WWOX: variants seen among roughly 807,000 people sequenced by gnomAD.
The protein encoded by WWOX is WW domain-containing oxidoreductase.
Under a neutral mutation model 46.2 loss-of-function variants are expected in WWOX, and 69 were observed. That is an observed-to-expected ratio of 1.49 (90% confidence interval 1.23 to 1.82). The LOEUF (loss-of-function observed/expected upper bound fraction) is 1.82, where lower values mean the gene tolerates loss of function less well. Among genes scored for constraint, WWOX ranks in the 40% most tolerant of loss-of-function variants. The probability of loss-of-function intolerance (pLI) is 0.00; values close to 1 mark genes in which losing one functional copy is unlikely to be tolerated. For synonymous variants in WWOX, 359 were observed against 202.6 expected (o/e 1.77, Z -6.56); for missense variants, 919 against 542.6 (o/e 1.69, Z -6.89).
rs965184780 is a variant in WWOX, at chr16:78,675,799, C to A, written c.1056+243047C>A. Among the ~76,000 whole-genome samples, 10 of 152,198 alleles carry A rather than the reference C, an allele frequency of 6.6e-5. No individual in the cohort carries two copies. The East Asian group carries it at 1.4e-3, about 21-fold the overall frequency. On this transcript the variant is annotated intron_variant, in intron 8 of 8. Transcript: ENST00000566780. ...GACCAGCCTGGGCAACATAGCGAGA[C>A]CTTGTCTGTACTAAAAAATTATTAA... is the stretch of plus-strand genomic sequence containing the variant.
At chr16:79,006,558 A>G (rs1312307615) in intron 8 of WWOX, among the ~76,000 whole-genome samples, 1 of 149,806 alleles carries the variant, frequency 6.7e-6, no homozygotes, top group Non-Finnish European at 1.5e-5. Context: ...GAGGCACTGT[A>G]TTTGTTTTCA....
chr16:78,784,938 G>T (rs2050418219), intron 8 of WWOX, among the ~76,000 whole-genome samples: 1 of 152,156 alleles, frequency 6.6e-6, no homozygotes, highest in Admixed American at 6.5e-5. Flanking sequence ...GAGGAAGCGA[G>T]GTGTCCCTTT....
chr16:78,634,478 C>A (rs187493117), intron 8 of WWOX, among the ~76,000 whole-genome samples: 1 of 151,924 alleles, frequency 6.6e-6, no homozygotes, highest in African/African-American at 2.4e-5. Context: ...GAGGGCGAGG[C>A]GGGCAGATCA....
At chr16:78,930,595 C>G (rs966641223) in intron 8 of WWOX, among the ~76,000 whole-genome samples, 9 of 139,554 alleles carry the variant, frequency 6.4e-5, no homozygotes, top group African/African-American at 2.4e-4. Flanking sequence ...CAGGCAAGGA[C>G]TTTTTTTTTT....
At chr16:79,092,461 C>G (rs183302103) in intron 8 of WWOX, among the ~76,000 whole-genome samples, 38 of 152,268 alleles carry the variant, frequency 2.5e-4, no homozygotes, top group African/African-American at 9.1e-4. Context: ...CCTTGCTCAT[C>G]ACCATCTCAC....
chr16:79,191,077 G>A (rs530037843), intron 8 of WWOX, among the ~76,000 whole-genome samples: 10 of 152,008 alleles, frequency 6.6e-5, no homozygotes, highest in East Asian at 3.9e-4. Context: ...ACGGGGTCTC[G>A]CTCTGTTGCA....
chr16:78,405,104 A>T (rs2082496176), intron 6 of WWOX, among the ~76,000 whole-genome samples: 1 of 152,214 alleles, frequency 6.6e-6, no homozygotes, highest in Admixed American at 6.5e-5. Context: ...AATATAATCA[A>T]GGTAATGGAC....
At chr16:78,343,781 A>T (rs2081054006) in intron 5 of WWOX, among the ~76,000 whole-genome samples, 1 of 121,000 alleles carries the variant, frequency 8.3e-6, no homozygotes, top group Non-Finnish European at 2.0e-5. Flanking sequence ...CAAGGACTAA[A>T]GGAGTGACTT....
Position 78,979,732 on chromosome 16 carries a change from C to T in WWOX, c.1057-231876C>T, listed in dbSNP as rs148944637. Among the ~76,000 whole-genome samples the T allele has an allele frequency of 4.9e-3, 743 of 152,256 alleles. 7 individuals carry two copies. Among genetic ancestry groups the T allele is most frequent in the African/African-American group, 0.017 (723 of 41,540 alleles). On this transcript the variant is annotated intron_variant, in intron 8 of 8. Coordinates refer to ENST00000566780, the MANE Select transcript of WWOX (RefSeq NM_016373.4). ...GGCATGAGATGCTGAAGATAAAGGT[C>T]CCCAGTGGTCCAGGTTTTTCCTTCT...
intron 4 of WWOX, among the ~76,000 whole-genome samples, chr16:78,130,908 A>G (rs7203218): frequency 0.78 from 119,096 of 152,166 alleles, 46,848 homozygotes; most frequent in East Asian, 0.91. Context: ...ATCGTTGTGC[A>G]ACCCTCATAG....
rs142681126 is a variant in WWOX at position 78,246,719 on chromosome 16, C to T, written c.516+82430C>T. On this transcript the variant is annotated intron_variant, in intron 5 of 8. Transcript: ENST00000566780. ...ATATTTTCAACTTCCTCTTCTGAAG[C>T]CAGTTCCCCCCGACCATCAGTCATG... 5.9e-5 allele frequency among the ~76,000 whole-genome samples: 9 copies of T among 152,290 alleles called. No individual in the cohort carries two copies. In the East Asian group the frequency reaches 1.5e-3, roughly 26 times the overall value.
intron 8 of WWOX, among the ~76,000 whole-genome samples, chr16:79,001,804 C>T (rs562226001): frequency 6.6e-5 from 10 of 152,236 alleles, no homozygotes; most frequent in African/African-American, 2.4e-4. Context: ...CAGTGAACCT[C>T]ATGACTGCTT....
chr16:78,760,902 A>G (rs113413957), intron 8 of WWOX, among the ~76,000 whole-genome samples: 369 of 152,308 alleles, frequency 2.4e-3, no homozygotes, highest in Non-Finnish European at 2.5e-3. Flanking sequence ...GGAAAGGCGC[A>G]TCTCACGTGG....
intron 8 of WWOX, among the ~76,000 whole-genome samples, chr16:78,910,158 T>C (rs74739422): frequency 1.3e-5 from 2 of 152,078 alleles, no homozygotes. Flanking sequence ...ATGCTTTTTC[T>C]CCCTTTTTGG....
intron 8 of WWOX, among the ~76,000 whole-genome samples, chr16:78,964,169 A>C (rs1021410769): frequency 1.3e-5 from 2 of 152,214 alleles, no homozygotes; most frequent in African/African-American, 4.8e-5. Context: ...AGATATCTGA[A>C]AATGTGGAAG....
At chr16:78,419,779 GA>G (rs111636692) in intron 6 of WWOX, among the ~76,000 whole-genome samples, 13,349 of 151,698 alleles carry the variant, frequency 0.088, 1,687 homozygotes, top group African/African-American at 0.28. Flanking sequence ...AGTGACAAAA[GA>G]AAAAAAGATA....
Position 78,961,254 on chromosome 16 carries a change from A to C in WWOX, c.1057-250354A>C, listed in dbSNP as rs141341741. On this transcript the variant is annotated intron_variant, in intron 8 of 8. Coordinates refer to ENST00000566780, the MANE Select transcript of WWOX (RefSeq NM_016373.4). The stretch of plus-strand genomic sequence containing the variant: ...GAGGAAAAATGAGGGAAATTACTGT[A>C]AGGTTTTTAAAACATGATAGTTATA... Among the ~76,000 whole-genome samples, 1,020 of 152,310 alleles carry C rather than the reference A, an allele frequency of 6.7e-3. 3 individuals are homozygous for C. The highest frequency in any genetic ancestry group is 0.01 in the Admixed American group (158 of 15,294).
At chr16:78,488,757 T>G (rs1171590461) in intron 8 of WWOX, among the ~76,000 whole-genome samples, 1 of 152,180 alleles carries the variant, frequency 6.6e-6, no homozygotes, top group Non-Finnish European at 1.5e-5. Flanking sequence ...GCATCTGACT[T>G]CACCTTTCTG....
chr16:78,169,447 C>G (rs1181022748), intron 5 of WWOX, among the ~76,000 whole-genome samples: 1 of 136,044 alleles, frequency 7.4e-6, no homozygotes, highest in African/African-American at 2.9e-5. Context: ...ATATCCCACT[C>G]CCTGTCTTGA....
Sources: allele counts gnomAD v4.1 joint callset (sites outside exome capture counted in the v4.1 genomes callset), GRCh38; gene constraint gnomAD v4.1.1; transcripts MANE v1.5; gene names NCBI Gene and HGNC (gene_info 2026-07-23, HGNC 2026-07-21).